AKAP10: variants seen among roughly 807,000 people sequenced by gnomAD.
The protein encoded by AKAP10 is A-kinase anchoring protein 10.
A neutral mutation model predicts 80.8 loss-of-function variants in AKAP10; 24 were observed. That is an observed-to-expected ratio of 0.30 (90% CI 0.22 to 0.42). The LOEUF (loss-of-function observed/expected upper bound fraction) is 0.42, where lower values mean the gene tolerates loss of function less well. AKAP10 is among the 10% of genes least tolerant of loss of function. The pLI is 1.00. For synonymous variants in AKAP10, 291 were observed against 277.7 expected, an observed-to-expected ratio of 1.05 and a Z score of -0.48; for missense variants, 661 against 794.9, an observed-to-expected ratio of 0.83 and a Z score of 2.03.
At chr17:19,927,205 G>A (rs2042884068) in intron 10 of AKAP10, among the ~76,000 whole-genome samples, 1 of 152,098 alleles carries the variant, frequency 6.6e-6, no homozygotes, top group Non-Finnish European at 1.5e-5. Flanking sequence ...GTGATAGTGT[G>A]TATCTATGGC....
intron 14 of AKAP10, among the ~76,000 whole-genome samples, chr17:19,907,997 G>A (rs528110431): frequency 1.7e-4 from 26 of 152,040 alleles, no homozygotes; most frequent in Admixed American, 4.6e-4. Flanking sequence ...CCAAGTAGCC[G>A]GGATCACAGG....
At position 19,924,532 on chromosome 17, in the gene AKAP10, G is replaced by A. The variant is rs2042854585; in HGVS notation, c.1642-15C>T. 3 of 1,536,302 alleles carry A rather than the reference G, an allele frequency of 2.0e-6. No individual in the cohort carries two copies. Among genetic ancestry groups the A allele is most frequent in the Middle Eastern group, 1.7e-4 (1 of 5,844 alleles). On this transcript the variant is annotated splice_polypyrimidine_tract_variant and intron_variant, in intron 10 of 14. Transcript: ENST00000225737. Reference sequence around the variant, plus strand: ...TTCACACTGGACTACAATAGAAATTGTAAAATTAGAAGTATATGAAACAAT... The same window carrying A: ...TTCACACTGGACTACAATAGAAATTATAAAATTAGAAGTATATGAAACAAT...
chr17:19,926,583 G>C (rs1197490861), intron 10 of AKAP10, among the ~76,000 whole-genome samples: 1 of 152,162 alleles, frequency 6.6e-6, no homozygotes, highest in Non-Finnish European at 1.5e-5. Flanking sequence ...AGTTGAAGTT[G>C]CAAGATCAAC....
intron 5 of AKAP10, 148 bp downstream of exon 5, chr17:19,947,259 C>T: frequency 1.5e-6 from 1 of 655,942 alleles, no homozygotes; most frequent in Non-Finnish European, 2.6e-6. Flanking sequence ...GAGCTATAAT[C>T]CGATATAAAA....
intron 4 of AKAP10, among the ~76,000 whole-genome samples, chr17:19,949,106 T>C (rs2043169356): frequency 6.6e-6 from 1 of 152,092 alleles, no homozygotes; most frequent in African/African-American, 2.4e-5. Context: ...AGGACACATA[T>C]GCTGGGATGA....
intron 4 of AKAP10, among the ~76,000 whole-genome samples, chr17:19,949,881 T>C (rs1483606404): frequency 6.6e-6 from 1 of 152,230 alleles, no homozygotes; most frequent in Non-Finnish European, 1.5e-5. Context: ...GGTTAAGTTT[T>C]CTACATTCCA....
intron 11 of AKAP10, among the ~76,000 whole-genome samples, chr17:19,923,777 C>T (rs956206719): frequency 6.6e-6 from 1 of 152,134 alleles, no homozygotes; most frequent in Admixed American, 6.5e-5. Context: ...CCGCCCACCT[C>T]GGCCTCCCAA....
In AKAP10 at chr17:19,924,541, G is replaced by C. The variant is rs759536868; in HGVS notation, c.1642-24C>G. 8.0e-6 allele frequency: 12 copies of C among 1,490,842 alleles called. No homozygotes were observed. The African/African-American group carries it at 1.7e-4, about 21-fold the overall frequency. 92.4% of individuals were successfully genotyped at this position (1,490,842 alleles called of 1,614,324 possible). On this transcript the variant is annotated intron_variant, in intron 10 of 14. Transcript: ENST00000225737. ...GACTACAATAGAAATTGTAAAATTA[G>C]AAGTATATGAAACAATCAGTCCTGG...
chr17:19,957,316 C>G (rs1260466038), intron 4 of AKAP10, among the ~76,000 whole-genome samples: 1 of 151,806 alleles, frequency 6.6e-6, no homozygotes, highest in Non-Finnish European at 1.5e-5. Context: ...CCGAGGCAGG[C>G]GGATCACAAA....
At chr17:19,918,647 T>C (rs901558839) in intron 12 of AKAP10, among the ~76,000 whole-genome samples, 3 of 152,190 alleles carry the variant, frequency 2.0e-5, no homozygotes, top group African/African-American at 4.8e-5. Flanking sequence ...AACATACTTA[T>C]CAAAATTGAA....
intron 5 of AKAP10, 21 bp downstream of exon 5, chr17:19,947,382 TGCCA>T: frequency 1.3e-6 from 2 of 1,516,370 alleles, no homozygotes; most frequent in Admixed American, 3.9e-5. Flanking sequence ...ATTTTTTTTT[TGCCA>T]TAGTTTCAAG....
intron 1 of AKAP10, among the ~76,000 whole-genome samples, chr17:19,968,890 G>C (rs767963360): frequency 1.3e-5 from 2 of 152,158 alleles, no homozygotes; most frequent in Non-Finnish European, 2.9e-5. Context: ...ACAGTAAATT[G>C]AGGACAAATG....
Position 19,977,747 on chromosome 17 carries a change from C to T in AKAP10, c.-68G>A. The T allele has an allele frequency of 9.8e-7, 1 of 1,018,544 alleles. No homozygotes were observed. Among genetic ancestry groups the T allele is most frequent in the Non-Finnish European group, 1.3e-6 (1 of 790,678 alleles). The allele number at this position is 1,018,544 out of a possible 1,614,324, so 63.1% of individuals were successfully genotyped here. ...ACTAGCGCGAAAAGGGACCCTTCTT[C>T]CGGGAGTGGGCCCCACCGCCTCCTC... On this transcript the variant is annotated 5_prime_UTR_variant, in exon 1 of 15. Transcript: ENST00000225737.
rs532861879 is a variant in AKAP10, at chr17:19,946,091, AT to A, written c.976+1315del. On this transcript the variant is annotated intron_variant, in intron 5 of 14. Transcript: ENST00000225737. ...GTCCTTACTACTCTGAGATACTTTG[AT>A]TTTTTTATTCTAGTATATATATATA... Among the ~76,000 whole-genome samples the A allele has an allele frequency of 2.6e-3, 361 of 137,598 alleles. 12 individuals are homozygous for A. The East Asian group carries it at 0.065, about 25-fold the overall frequency. 90.3% of individuals were successfully genotyped at this position (137,598 alleles called of 152,430 possible).
intron 12 of AKAP10, among the ~76,000 whole-genome samples, chr17:19,917,920 AAAAG>A (rs1418300807): frequency 6.6e-6 from 1 of 151,130 alleles, no homozygotes; most frequent in African/African-American, 2.4e-5. Flanking sequence ...CCGACAAAAA[AAAAG>A]AAAGAAAATA....
At chr17:19,941,588 AATT>A (rs2152414558) in intron 6 of AKAP10, among the ~76,000 whole-genome samples, 1 of 152,336 alleles carries the variant, frequency 6.6e-6, no homozygotes, top group Admixed American at 6.5e-5. Context: ...ACTAAAAACA[AATT>A]ATTTTAACTT....
intron 1 of AKAP10, among the ~76,000 whole-genome samples, chr17:19,973,401 T>C (rs1239571656): frequency 6.6e-6 from 1 of 152,214 alleles, no homozygotes; most frequent in Non-Finnish European, 1.5e-5. Context: ...ATATTTATGA[T>C]TTGGCCCTTA....
chr17:19,920,995 A>T, intron 11 of AKAP10, among the ~76,000 whole-genome samples: 1 of 151,650 alleles, frequency 6.6e-6, no homozygotes. Context: ...GTCATGCTGA[A>T]AAAATATACA....
At chr17:19,953,909 G>A (rs967511184) in intron 4 of AKAP10, among the ~76,000 whole-genome samples, 1 of 152,096 alleles carries the variant, frequency 6.6e-6, no homozygotes, top group Non-Finnish European at 1.5e-5. Context: ...GCACACGCTT[G>A]TAATCCCAGC....
Sources: allele counts gnomAD v4.1 joint callset (sites outside exome capture counted in the v4.1 genomes callset), GRCh38; gene constraint gnomAD v4.1.1; transcripts MANE v1.5; gene names NCBI Gene and HGNC (gene_info 2026-07-23, HGNC 2026-07-21).